DLC1: variants seen among roughly 807,000 people sequenced by gnomAD.
The protein encoded by DLC1 is DLC1 Rho GTPase activating protein.
A neutral mutation model predicts 140.3 loss-of-function variants in DLC1; 54 were observed. The ratio of observed to expected loss-of-function variants is 0.38; its 90% CI spans 0.31 to 0.48. The LOEUF (loss-of-function observed/expected upper bound fraction) is 0.48. Among genes scored for constraint, DLC1 ranks in the 20% least tolerant of loss-of-function variants. The pLI is 0.96. For missense variants in DLC1, 2,536 were observed against 1,907.0 expected, an observed-to-expected ratio of 1.33 and a Z score of -6.14; for synonymous variants, 986 against 728.1, an observed-to-expected ratio of 1.35 and a Z score of -5.70.
chr8:13,395,790 C>G (rs1254301661), intron 3 of DLC1, among the ~76,000 whole-genome samples: 1 of 151,548 alleles, frequency 6.6e-6, no homozygotes, highest in Admixed American at 6.6e-5. Flanking sequence ...AGACATAACT[C>G]TGAGCAAATT....
chr8:13,185,952 C>G (rs1355396342), intron 5 of DLC1, among the ~76,000 whole-genome samples: 2 of 152,180 alleles, frequency 1.3e-5, no homozygotes, highest in Non-Finnish European at 2.9e-5. Flanking sequence ...AAATTCTTTT[C>G]TTTAAGAATG....
chr8:13,364,593 G>A (rs1017629431), intron 4 of DLC1, among the ~76,000 whole-genome samples: 2 of 152,140 alleles, frequency 1.3e-5, no homozygotes, highest in African/African-American at 4.8e-5. Context: ...CACCACAGCA[G>A]GCCTGCATAA....
intron 4 of DLC1, among the ~76,000 whole-genome samples, chr8:13,370,149 T>G (rs552750239): frequency 6.6e-6 from 1 of 151,772 alleles, no homozygotes; most frequent in Non-Finnish European, 1.5e-5. Context: ...CCTACCTTGA[T>G]CACTTTGTCT....
intron 5 of DLC1, among the ~76,000 whole-genome samples, chr8:13,161,494 C>G (rs917133709): frequency 2.0e-5 from 3 of 152,138 alleles, no homozygotes; most frequent in Non-Finnish European, 4.4e-5. Context: ...GCACGCACCA[C>G]CACACCTGGC....
chr8:13,241,863 CA>C (rs1444000552), intron 5 of DLC1, among the ~76,000 whole-genome samples: 2 of 152,064 alleles, frequency 1.3e-5, no homozygotes, highest in Non-Finnish European at 2.9e-5. Context: ...CCTCTCTTAG[CA>C]GCTTGCCTTG....
chr8:13,516,122 T>G (rs1802578094), upstream of DLC1, among the ~76,000 whole-genome samples: 1 of 152,090 alleles, frequency 6.6e-6, no homozygotes, highest in Non-Finnish European at 1.5e-5. Flanking sequence ...CTACTTTATT[T>G]ACAATCAATG....
intron 4 of DLC1, among the ~76,000 whole-genome samples, chr8:13,326,224 A>T (rs1833341617): frequency 6.6e-6 from 1 of 152,192 alleles, no homozygotes; most frequent in Non-Finnish European, 1.5e-5. Flanking sequence ...TAAGAGACAG[A>T]AAACTAATCC....
chr8:13,390,696 A>C (rs897636680), intron 4 of DLC1, among the ~76,000 whole-genome samples: 19 of 152,298 alleles, frequency 1.2e-4, no homozygotes, highest in Middle Eastern at 3.4e-3. Context: ...CTGGAACTTT[A>C]AGAAAAACAG....
chr8:13,185,976 C>T (rs996914618), intron 5 of DLC1, among the ~76,000 whole-genome samples: 1 of 152,096 alleles, frequency 6.6e-6, no homozygotes, highest in African/African-American at 2.4e-5. Flanking sequence ...AATATTGACC[C>T]CCACTCTCTT....
intron 5 of DLC1, among the ~76,000 whole-genome samples, chr8:13,215,658 C>T (rs770923910): frequency 6.6e-6 from 1 of 152,002 alleles, no homozygotes; most frequent in Non-Finnish European, 1.5e-5. Context: ...ACTAGGGAAG[C>T]AAACTTTAAA....
intron 5 of DLC1, among the ~76,000 whole-genome samples, chr8:13,257,263 C>G (rs987919443): frequency 4.0e-5 from 6 of 149,186 alleles, no homozygotes; most frequent in Non-Finnish European, 8.9e-5. Flanking sequence ...TAATGAGACC[C>G]TGTCTCTACA....
chr8:13,449,800 C>A (rs1798958186), intron 2 of DLC1, among the ~76,000 whole-genome samples: 1 of 151,640 alleles, frequency 6.6e-6, no homozygotes, highest in African/African-American at 2.4e-5. Flanking sequence ...GCACATGTAC[C>A]CTAAAACTTA....
At position 13,094,830 on chromosome 8, in the gene DLC1, T is replaced by C. The variant is rs1467633733; in HGVS notation, c.3455A>G (p.Gln1152Arg). ...TGGCTCAGGAAGATCTCGAAAATAC[T>C]GCTTCAGCATGTCTGCCACGTCATA... ...SAYDVADMLK[Q>R]YFRDLPEPLM... Residue 1152 changes from glutamine to arginine, a missense_variant, in exon 12 of 18, where the codon CAG (glutamine) becomes CGG (arginine). By Grantham distance (43) the Gln-to-Arg change is conservative (BLOSUM62 1). Transcript: ENST00000276297. The C allele has an allele frequency of 3.7e-6, 6 of 1,614,108 alleles. No individual in the cohort carries two copies. Among genetic ancestry groups the C allele is most frequent in the Non-Finnish European group, 5.1e-6 (6 of 1,180,050 alleles).
At chr8:13,330,907 C>T (rs1833559830) in intron 4 of DLC1, among the ~76,000 whole-genome samples, 2 of 152,208 alleles carry the variant, frequency 1.3e-5, no homozygotes, top group African/African-American at 4.8e-5. Flanking sequence ...GTTCCACCCT[C>T]TGCAAAATGT....
At position 13,488,475 on chromosome 8, in the gene DLC1, T is replaced by C. The variant is rs150260258; in HGVS notation, c.1023+10574A>G. On this transcript the variant is annotated intron_variant, in intron 2 of 17. Coordinates refer to ENST00000276297, the MANE Select transcript of DLC1 (RefSeq NM_182643.3). ...AAATATGGTGAGCCCTGAAATTACG[T>C]AGCTAAAAAATAGAAGTTTGAAGAC... Among the ~76,000 whole-genome samples the C allele has an allele frequency of 1.2e-3, 187 of 152,264 alleles. 1 individual carries two copies. Among genetic ancestry groups the C allele is most frequent in the South Asian group, 3.7e-3 (18 of 4,826 alleles).
intron 2 of DLC1, among the ~76,000 whole-genome samples, chr8:13,467,453 C>CTTTTTTTTTTTT (rs10671511): frequency 1.3e-5 from 2 of 149,532 alleles, no homozygotes; most frequent in Non-Finnish European, 1.5e-5. Flanking sequence ...TCTTATATTC[C>CTTTTTTTTTTTT]TTTTTTTTTC....
chr8:13,393,628 C>G lies in DLC1; in HGVS notation c.1239G>C (p.Leu413Phe). The change falls in exon 4 of 18, where the codon TTG becomes TTC. Residue 413 changes from leucine to phenylalanine, a missense_variant. Leu to Phe is a conservative substitution (Grantham distance 22). Coordinates refer to ENST00000276297, the MANE Select transcript of DLC1 (RefSeq NM_182643.3). ...TISVNQTRVN[L>F]SSDTESTDLP... The stretch of plus-strand genomic sequence containing the variant: ...GGTCCGTGGACTCAGTGTCAGAAGA[C>G]AAATTTACTCGTGTCTGATTTACTG... 5 of 1,614,116 alleles carry G rather than the reference C, an allele frequency of 3.1e-6. No homozygotes were observed. The highest frequency in any genetic ancestry group is 4.2e-6 in the Non-Finnish European group (5 of 1,180,018).
At chr8:13,216,993 G>T (rs1563172138) in intron 5 of DLC1, among the ~76,000 whole-genome samples, 1 of 152,036 alleles carries the variant, frequency 6.6e-6, no homozygotes, top group African/African-American at 2.4e-5. Flanking sequence ...GTCCTTGAAG[G>T]TGTTCTGTGC....
chr8:13,283,638 C>A (rs190691055), intron 5 of DLC1, among the ~76,000 whole-genome samples: 7 of 152,306 alleles, frequency 4.6e-5, no homozygotes, highest in Admixed American at 4.6e-4. Context: ...CTGCAGCCTC[C>A]TGAGTAGCCT....
Sources: allele counts gnomAD v4.1 joint callset (sites outside exome capture counted in the v4.1 genomes callset), GRCh38; gene constraint gnomAD v4.1.1; transcripts MANE v1.5; gene names NCBI Gene and HGNC (gene_info 2026-07-23, HGNC 2026-07-21).